Variants in PHKB observed in about 807,000 individuals in gnomAD.
PHKB encodes the protein phosphorylase b kinase regulatory subunit beta.
A neutral mutation model predicts 152.1 loss-of-function variants in PHKB; 122 were observed. The ratio of observed to expected loss-of-function variants is 0.80; its 90% confidence interval spans 0.69 to 0.93. The LOEUF is 0.93. Among genes scored for constraint, PHKB ranks in the 40% least tolerant of loss-of-function variants. The pLI is 0.00. For missense variants in PHKB, 1,304 were observed against 1,328.4 expected (o/e 0.98, Z 0.29); for synonymous variants, 436 against 464.9 (o/e 0.94, Z 0.80).
chr16:47,584,537 T>A (rs1971903919), intron 8 of PHKB, among the ~76,000 whole-genome samples: 1 of 152,160 alleles, frequency 6.6e-6, no homozygotes, highest in Non-Finnish European at 1.5e-5. Context: ...GAGGGGCTGC[T>A]GGAAAGAGCT....
chr16:47,660,320 G>T (rs528351389), intron 20 of PHKB, among the ~76,000 whole-genome samples, 186 bp from the exon 21 acceptor site: 4 of 151,794 alleles, frequency 2.6e-5, no homozygotes, highest in East Asian at 1.9e-4. Flanking sequence ...CTATTTTAGG[G>T]TTTTTTTTGT....
chr16:47,491,437 A>G (rs1322690640), intron 1 of PHKB, among the ~76,000 whole-genome samples: 1 of 152,192 alleles, frequency 6.6e-6, no homozygotes, highest in East Asian at 1.9e-4. Flanking sequence ...TGACATCTGC[A>G]TTTTACTAAT....
chr16:47,593,170 GGA>G (rs3033549), intron 10 of PHKB, among the ~76,000 whole-genome samples: 29,952 of 138,406 alleles, frequency 0.22, 4,151 homozygotes, highest in Non-Finnish European at 0.32. Context: ...AAAGGGAGAG[GGA>G]GAGAGAGAGA....
chr16:47,605,771 T>C (rs1264042675), intron 13 of PHKB, among the ~76,000 whole-genome samples: 1 of 150,878 alleles, frequency 6.6e-6, no homozygotes, highest in East Asian at 1.9e-4. Flanking sequence ...CTGATTTCGA[T>C]AGGAAAAATG....
chr16:47,609,662 T>G (rs1972391623), intron 13 of PHKB, among the ~76,000 whole-genome samples: 1 of 152,146 alleles, frequency 6.6e-6, no homozygotes, highest in Non-Finnish European at 1.5e-5. Context: ...AGTTTGTGTC[T>G]TTCCGGGAAT....
At chr16:47,611,345 A>G (rs1972424553) in intron 14 of PHKB, among the ~76,000 whole-genome samples, 1 of 152,164 alleles carries the variant, frequency 6.6e-6, no homozygotes. Flanking sequence ...TGGGCAAGGA[A>G]TAGTTTTAAA....
In PHKB at chr16:47,650,630, G is replaced by T; in HGVS notation, c.1880+4G>T. 6.3e-7 allele frequency: 1 copy of T among 1,591,518 alleles called. No individual in the cohort carries two copies. Among genetic ancestry groups the T allele is most frequent in the Non-Finnish European group, 8.6e-7 (1 of 1,159,642 alleles). On this transcript the variant is annotated splice_donor_region_variant and intron_variant, in intron 19 of 30. Coordinates refer to ENST00000323584, the MANE Select transcript of PHKB (RefSeq NM_000293.3). ...TCATCCGGGAAGACAATATAAGGTA[G>T]GTTGATAAAAGAAGTAAGGTACGTG...
intron 26 of PHKB, chr16:47,676,515 C>T (rs964485379): frequency 6.6e-6 from 1 of 152,148 alleles, no homozygotes; most frequent in Non-Finnish European, 1.5e-5. Flanking sequence ...AACCAGAATT[C>T]CCTTGCATTG....
Position 47,683,541 on chromosome 16 carries a change from G to A in PHKB, c.2631-5500G>A, listed in dbSNP as rs564461651. Among the ~76,000 whole-genome samples the A allele has an allele frequency of 4.6e-5, 7 of 152,182 alleles. No homozygotes were observed. The South Asian group carries it at 6.2e-4, about 13-fold the overall frequency. On this transcript the variant is annotated intron_variant, in intron 26 of 30. Coordinates refer to ENST00000323584, the MANE Select transcript of PHKB (RefSeq NM_000293.3). ...CTGTGCTAGCAATCAGCGAGACTCC[G>A]TGGCCATAGGACCCTCCGAGCCAGG...
chr16:47,557,240 G>T (rs1024981019), intron 7 of PHKB, among the ~76,000 whole-genome samples: 2 of 152,076 alleles, frequency 1.3e-5, no homozygotes, highest in South Asian at 2.1e-4. Context: ...ATTCAAGATG[G>T]ATTAAAGACT....
chr16:47,495,391 C>T (rs1258049463), intron 1 of PHKB, among the ~76,000 whole-genome samples: 1 of 151,944 alleles, frequency 6.6e-6, no homozygotes, highest in Admixed American at 6.5e-5. Flanking sequence ...TCCATATGCT[C>T]ATGTATCATT....
At chr16:47,473,144 C>G (rs1969805041) in intron 1 of PHKB, among the ~76,000 whole-genome samples, 1 of 147,556 alleles carries the variant, frequency 6.8e-6, no homozygotes, top group Non-Finnish European at 1.5e-5. Context: ...TCACAGTTCA[C>G]TGCAGCCTCG....
At chr16:47,598,345 CTT>C (rs1253004997) in intron 13 of PHKB, among the ~76,000 whole-genome samples, 1 of 152,102 alleles carries the variant, frequency 6.6e-6, no homozygotes, top group Non-Finnish European at 1.5e-5. Flanking sequence ...ACTAAAGAAA[CTT>C]TACTTTTTGA....
At chr16:47,577,140 T>A (rs984589657) in intron 7 of PHKB, among the ~76,000 whole-genome samples, 13 of 152,132 alleles carry the variant, frequency 8.5e-5, no homozygotes, top group Non-Finnish European at 2.9e-5. Flanking sequence ...AAGATTTTTT[T>A]AAAATCTCTT....
intron 29 of PHKB, 91 bp from the exon 30 acceptor site, chr16:47,698,357 T>C: frequency 2.1e-6 from 2 of 946,188 alleles, no homozygotes; most frequent in Non-Finnish European, 3.5e-6. Context: ...ATATAGAATA[T>C]CCTTTGGATC....
At chr16:47,641,132 G>A in intron 15 of PHKB, 42 bp downstream of exon 15, 1 of 1,455,322 alleles carries the variant, frequency 6.9e-7, no homozygotes, top group Non-Finnish European at 9.7e-7. Flanking sequence ...TGTGGGGAGG[G>A]GAGGGGAGGG....
At chr16:47,609,643 A>G (rs961656346) in intron 13 of PHKB, among the ~76,000 whole-genome samples, 1 of 151,592 alleles carries the variant, frequency 6.6e-6, no homozygotes, top group South Asian at 2.1e-4. Flanking sequence ...TTCTTGAGTC[A>G]GTTTTGGTAG....
intron 9 of PHKB, 43 bp downstream of exon 9, chr16:47,587,806 T>C: frequency 1.5e-6 from 2 of 1,298,740 alleles, no homozygotes; most frequent in Non-Finnish European, 2.2e-6. Flanking sequence ...AACTATTGTT[T>C]ATGATTTCTA....
At chr16:47,607,336 C>T (rs890489049) in intron 13 of PHKB, among the ~76,000 whole-genome samples, 1 of 152,134 alleles carries the variant, frequency 6.6e-6, no homozygotes, top group Non-Finnish European at 1.5e-5. Context: ...TCCTTCTCAT[C>T]ACTTCACCCT....
Sources: allele counts gnomAD v4.1 joint callset (sites outside exome capture counted in the v4.1 genomes callset), GRCh38; gene constraint gnomAD v4.1.1; transcripts MANE v1.5; gene names NCBI Gene and HGNC (gene_info 2026-07-23, HGNC 2026-07-21).